Variants in DYNC2I2 observed in about 807,000 individuals in gnomAD.
DYNC2I2 encodes the protein dynein 2 intermediate chain 2.
Under a neutral mutation model 52.0 loss-of-function variants are expected in DYNC2I2, and 39 were observed. That is an observed-to-expected ratio of 0.75 (90% confidence interval 0.58 to 0.98). The LOEUF (loss-of-function observed/expected upper bound fraction) is 0.98. Among genes scored for constraint, DYNC2I2 ranks in the 50% least tolerant of loss-of-function variants. DYNC2I2 has a pLI of 0.00. For synonymous variants in DYNC2I2, 359 were observed against 321.1 expected (o/e 1.12, Z -1.26); for missense variants, 743 against 728.4 (o/e 1.02, Z -0.23).
upstream of DYNC2I2, among the ~76,000 whole-genome samples, chr9:128,656,964 C>A (rs550988510): frequency 6.6e-6 from 1 of 152,370 alleles, no homozygotes; most frequent in African/African-American, 2.4e-5. Context: ...GCGCGCTACT[C>A]CTGGGCGAGG....
chr9:128,668,159 T>C, the DYNC2I2 span, among the ~76,000 whole-genome samples: 873 of 150,846 alleles, frequency 5.8e-3, 11 homozygotes, highest in South Asian at 0.046. Flanking sequence ...CGGGGTTTCA[T>C]CATGTTGGCC....
At chr9:128,651,917 A>G (rs963077846) in intron 1 of DYNC2I2, 9 of 87,356 alleles carry the variant, frequency 1.0e-4, no homozygotes, top group Non-Finnish European at 1.7e-4. Context: ...TTCATCTCAG[A>G]AAAAAAAAAA....
At chr9:128,671,619 C>T in the DYNC2I2 span, among the ~76,000 whole-genome samples, 70 of 151,592 alleles carry the variant, frequency 4.6e-4, no homozygotes, top group Non-Finnish European at 8.2e-4. Context: ...ACTACAGGTG[C>T]GTGCCACCAC....
At position 128,656,555 on chromosome 9, in the gene DYNC2I2, T is replaced by A. The variant is rs774204256; in HGVS notation, c.172A>T (p.Ile58Phe). ...CGCGCCCTCACCGTCTCCCAGCGGA[T>A]GCCCTGGACGGCCCTCCACTGCGAG... Reference protein sequence around the residue: ...VPSQWRAVQGIRWETKSCQTA... With the variant: ...VPSQWRAVQGFRWETKSCQTA... The change falls in exon 1 of 9, where the codon ATC (isoleucine) becomes TTC (phenylalanine). Residue 58 changes from isoleucine (I) to phenylalanine (F), a missense_variant. Coordinates refer to ENST00000372715, the MANE Select transcript of DYNC2I2 (RefSeq NM_052844.4). 1 of 1,433,404 alleles carries A rather than the reference T, an allele frequency of 7.0e-7. No individual in the cohort carries two copies. Among genetic ancestry groups the A allele is most frequent in the Non-Finnish European group, 9.1e-7 (1 of 1,096,562 alleles). The allele number at this position is 1,433,404 out of a possible 1,614,324, so 88.8% of individuals were successfully genotyped here.
chr9:128,633,843 C>G lies in DYNC2I2; in HGVS notation c.1512G>C (p.Gln504His). 1 of 1,613,584 alleles carries G rather than the reference C, an allele frequency of 6.2e-7. No homozygotes were observed. The highest frequency in any genetic ancestry group is 8.5e-7 in the Non-Finnish European group (1 of 1,180,024). The change falls in exon 9 of 9, where the codon CAG becomes CAC. Residue 504 changes from glutamine (Q) to histidine (H), a missense_variant. By Grantham distance (24) the Gln-to-His change is conservative (BLOSUM62 0). Coordinates refer to ENST00000372715, the MANE Select transcript of DYNC2I2 (RefSeq NM_052844.4). Reference sequence around the variant, plus strand: ...TCAGCTGCCACACCTTCACTGTGCCCTGGGCATCGCCCGCAGCCAAGAGCT... The same window carrying G: ...TCAGCTGCCACACCTTCACTGTGCCGTGGGCATCGCCCGCAGCCAAGAGCT... ...QTQLLAAGDA[Q>H]GTVKVWQLST...
chr9:128,662,888 T>G, the DYNC2I2 span, among the ~76,000 whole-genome samples: 1 of 151,826 alleles, frequency 6.6e-6, no homozygotes, highest in Non-Finnish European at 1.5e-5. Flanking sequence ...AGACGGAGTT[T>G]CTGCCTCACA....
the DYNC2I2 span, among the ~76,000 whole-genome samples, chr9:128,668,735 G>A: frequency 1.3e-5 from 2 of 150,324 alleles, no homozygotes; most frequent in Non-Finnish European, 3.0e-5. Flanking sequence ...CATGAGAATC[G>A]CTTGATCCCA....
chr9:128,652,432 C>CAAA (rs59498068), intron 1 of DYNC2I2, among the ~76,000 whole-genome samples: 8 of 92,820 alleles, frequency 8.6e-5, no homozygotes, highest in Admixed American at 1.2e-4. Flanking sequence ...AACTTCATCT[C>CAAA]AAAAAAAAAA....
Position 128,634,314 on chromosome 9 carries a change from CAAGGGA to C in DYNC2I2, c.1278_1283del (p.Pro427_Leu428del), listed in dbSNP as rs765031372. 6.2e-7 allele frequency: 1 copy of C among 1,613,442 alleles called. No homozygotes were observed. The highest frequency in any genetic ancestry group is 1.1e-5 in the South Asian group (1 of 91,024). ...ACTTGAGGGAGAGCTGCAGCGAAGT[CAAGGGA>C]GGGGCCTGCAGCATGGAGTACAGGT... On this transcript the variant is annotated inframe_deletion, in exon 8 of 9. Transcript: ENST00000372715.
the DYNC2I2 span, among the ~76,000 whole-genome samples, chr9:128,665,286 C>CGG: frequency 6.6e-6 from 1 of 151,514 alleles, no homozygotes; most frequent in African/African-American, 2.4e-5. Context: ...CTCCTGACCT[C>CGG]GTGTTCCACC....
chr9:128,670,055 G>A, the DYNC2I2 span, among the ~76,000 whole-genome samples: 1 of 151,880 alleles, frequency 6.6e-6, no homozygotes, highest in African/African-American at 2.4e-5. Context: ...CATGAAAATT[G>A]CTTTGACTGA....
intron 1 of DYNC2I2, among the ~76,000 whole-genome samples, chr9:128,645,857 G>A (rs2132167249): frequency 6.6e-6 from 1 of 152,264 alleles, no homozygotes; most frequent in East Asian, 1.9e-4. Context: ...GCTACTCCAG[G>A]GAACACACAA....
chr9:128,634,222 C>T lies in DYNC2I2; in HGVS notation c.1372+4G>A. On this transcript the variant is annotated splice_donor_region_variant and intron_variant, in intron 8 of 8. Transcript: ENST00000372715. ...CAGATCCAGGCCTAGCGGCCCCTTC[C>T]TACCTTTCCCAGAGGCAGCTGCAAA... 1.2e-6 allele frequency: 2 copies of T among 1,613,608 alleles called. No homozygotes were observed. The highest frequency in any genetic ancestry group is 1.7e-6 in the Non-Finnish European group (2 of 1,179,998).
At chr9:128,673,381 G>A in the DYNC2I2 span, among the ~76,000 whole-genome samples, 7 of 152,060 alleles carry the variant, frequency 4.6e-5, no homozygotes, top group Non-Finnish European at 8.8e-5. Context: ...TCACTCTGTC[G>A]CCCAGTCTGG....
the DYNC2I2 span, among the ~76,000 whole-genome samples, chr9:128,666,490 G>A: frequency 2.0e-5 from 3 of 152,072 alleles, no homozygotes; most frequent in South Asian, 6.2e-4. Flanking sequence ...TGCCGGGCAT[G>A]GTGGCCCACG....
In DYNC2I2 at chr9:128,635,661, G is replaced by A. The variant is rs779722955; in HGVS notation, c.810C>T (p.Ser270=). 1.9e-5 allele frequency: 30 copies of A among 1,605,138 alleles called. No individual in the cohort carries two copies. The South Asian group carries it at 3.0e-4, about 16-fold the overall frequency. Residue 270 remains serine (S), a synonymous_variant, in exon 5 of 9, where the codon TCC becomes TCT. Transcript: ENST00000372715. ...LTDDTHTDPV[S]QVVWLPEPGH... ...GCCCGGCAGCCCCTGCCCTGACCTG[G>A]GACACAGGGTCTGTGTGGGTGTCAT...
At chr9:128,682,172 C>T in the DYNC2I2 span, among the ~76,000 whole-genome samples, 4 of 151,756 alleles carry the variant, frequency 2.6e-5, no homozygotes. Flanking sequence ...CCTCAGCCTC[C>T]CGAGTAGCTG....
chr9:128,655,519 A>G (rs961275190), intron 1 of DYNC2I2, among the ~76,000 whole-genome samples: 13 of 149,070 alleles, frequency 8.7e-5, no homozygotes, highest in African/African-American at 3.2e-4. Context: ...TCCAAAAAAA[A>G]AAAAAAGAGA....
At chr9:128,674,383 C>G in the DYNC2I2 span, among the ~76,000 whole-genome samples, 1 of 151,930 alleles carries the variant, frequency 6.6e-6, no homozygotes, top group African/African-American at 2.4e-5. Flanking sequence ...ATCCGCCTGC[C>G]TTGGCTTCTC....
Sources: allele counts gnomAD v4.1 joint callset (sites outside exome capture counted in the v4.1 genomes callset), GRCh38; gene constraint gnomAD v4.1.1; transcripts MANE v1.5; gene names NCBI Gene and HGNC (gene_info 2026-07-23, HGNC 2026-07-21).